Variants in RSPO2 observed in about 807,000 individuals in gnomAD.
RSPO2 encodes R-spondin-2.
Under a neutral mutation model 30.9 loss-of-function variants are expected in RSPO2, and 14 were observed. The ratio of observed to expected loss-of-function variants is 0.45; its 90% CI spans 0.30 to 0.71. The LOEUF (loss-of-function observed/expected upper bound fraction) is 0.71. RSPO2 is among the 30% of genes least tolerant of loss of function. RSPO2 has a pLI of 0.08. For synonymous variants in RSPO2, 107 were observed against 96.4 expected, an observed-to-expected ratio of 1.11 and a Z score of -0.64; for missense variants, 264 against 301.9, an observed-to-expected ratio of 0.87 and a Z score of 0.93.
intron 3 of RSPO2, among the ~76,000 whole-genome samples, chr8:107,967,899 T>C (rs1169751644): frequency 1.3e-5 from 2 of 152,162 alleles, no homozygotes; most frequent in African/African-American, 4.8e-5. Context: ...TGAAGCTCTC[T>C]TTGTCTTAAT....
chr8:107,915,444 C>A (rs1811948997), intron 5 of RSPO2, among the ~76,000 whole-genome samples: 1 of 152,018 alleles, frequency 6.6e-6, no homozygotes. Flanking sequence ...CTCTCCCTGA[C>A]TAGTAGAAAG....
intron 2 of RSPO2, among the ~76,000 whole-genome samples, chr8:108,057,724 T>C (rs1812302098): frequency 6.6e-6 from 1 of 152,230 alleles, no homozygotes; most frequent in Non-Finnish European, 1.5e-5. Context: ...TTTTCATTTG[T>C]AAAAGCTATG....
In RSPO2 at chr8:108,002,237, T is replaced by C. The variant is rs1231392032; in HGVS notation, c.95-12993A>G. ...ATGAGCAGATCTAAATATATACATT[T>C]ATGAAGATTGCAAAACCACCACCCT... On this transcript the variant is annotated intron_variant, in intron 2 of 5. Transcript: ENST00000276659. 2.0e-5 allele frequency among the ~76,000 whole-genome samples: 3 copies of C among 152,318 alleles called. No individual in the cohort carries two copies. In the South Asian group the frequency reaches 6.2e-4, roughly 32 times the overall value.
chr8:107,920,127 A>AGAGAAGGAGGGAAGAAGGAGGG (rs61438068), intron 5 of RSPO2, among the ~76,000 whole-genome samples: 1 of 151,616 alleles, frequency 6.6e-6, no homozygotes, highest in Admixed American at 6.6e-5. Flanking sequence ...GGAGGAAGAG[A>AGAGAAGGAGGGAAGAAGGAGGG]AAGAAGGAGG....
At chr8:107,967,066 G>T in intron 3 of RSPO2, among the ~76,000 whole-genome samples, 1 of 152,074 alleles carries the variant, frequency 6.6e-6, no homozygotes, top group East Asian at 1.9e-4. Context: ...GACAAAAACA[G>T]GGCATTTATT....
At chr8:108,066,584 G>A (rs1351804988) in intron 2 of RSPO2, among the ~76,000 whole-genome samples, 2 of 152,032 alleles carry the variant, frequency 1.3e-5, no homozygotes, top group Non-Finnish European at 2.9e-5. Context: ...CTCACCCACT[G>A]TCCCAGCTAA....
intron 5 of RSPO2, among the ~76,000 whole-genome samples, chr8:107,951,425 G>A (rs77528679): frequency 0.018 from 2,777 of 152,136 alleles, 69 homozygotes; most frequent in African/African-American, 0.059. Context: ...AGGGAAAAAC[G>A]AGTCTCCTGC....
intron 2 of RSPO2, among the ~76,000 whole-genome samples, chr8:107,993,973 G>A (rs917935528): frequency 2.6e-5 from 4 of 151,846 alleles, no homozygotes; most frequent in Non-Finnish European, 4.4e-5. Flanking sequence ...CATCATCTTC[G>A]TTGCATCTGC....
At chr8:107,965,393 C>T (rs1018777541) in intron 3 of RSPO2, among the ~76,000 whole-genome samples, 10 of 152,180 alleles carry the variant, frequency 6.6e-5, no homozygotes, top group African/African-American at 1.9e-4. Context: ...GTACCCCGTA[C>T]GGGCTCTAAT....
chr8:107,954,887 G>C (rs1813371495), intron 5 of RSPO2, among the ~76,000 whole-genome samples: 1 of 152,136 alleles, frequency 6.6e-6, no homozygotes. Context: ...GGGATTACAG[G>C]CGTGAGCCAT....
intron 5 of RSPO2, among the ~76,000 whole-genome samples, chr8:107,913,326 C>T (rs1394898178): frequency 6.6e-6 from 1 of 152,172 alleles, no homozygotes; most frequent in Non-Finnish European, 1.5e-5. Context: ...ATGAACTGGT[C>T]ATTCCTTTAA....
At position 107,980,462 on chromosome 8, in the gene RSPO2, T is replaced by C. The variant is rs141516348; in HGVS notation, c.283+8594A>G. 4.1e-4 allele frequency among the ~76,000 whole-genome samples: 63 copies of C among 152,332 alleles called. 1 individual carries two copies. The highest frequency in any genetic ancestry group is 3.4e-3 in the Middle Eastern group (1 of 294). On this transcript the variant is annotated intron_variant, in intron 3 of 5. Coordinates refer to ENST00000276659, the MANE Select transcript of RSPO2 (RefSeq NM_178565.5). ...TGTATTCCAAAATTAAAGAATATTA[T>C]AGGCTTCTAAAATGTAGCCCTTATT...
At chr8:107,950,187 T>C (rs910356862) in intron 5 of RSPO2, among the ~76,000 whole-genome samples, 1 of 152,230 alleles carries the variant, frequency 6.6e-6, no homozygotes, top group Non-Finnish European at 1.5e-5. Context: ...TATTTGTATA[T>C]ATGTGCATGT....
chr8:108,058,235 A>G (rs1286409752), intron 2 of RSPO2, among the ~76,000 whole-genome samples: 1 of 152,112 alleles, frequency 6.6e-6, no homozygotes, highest in African/African-American at 2.4e-5. Flanking sequence ...TCATGAGTGA[A>G]CTCCCATTCA....
chr8:107,957,448 A>T (rs1224264842), intron 5 of RSPO2, among the ~76,000 whole-genome samples: 1 of 152,158 alleles, frequency 6.6e-6, no homozygotes, highest in African/African-American at 2.4e-5. Flanking sequence ...TCCAATTTCT[A>T]AATGGGCCTA....
intron 2 of RSPO2, among the ~76,000 whole-genome samples, chr8:108,065,812 C>G (rs562314980): frequency 6.6e-6 from 1 of 152,052 alleles, no homozygotes; most frequent in Admixed American, 6.6e-5. Context: ...CCAAGGTGGG[C>G]GGATCACCTG....
chr8:108,004,275 G>T (rs1040253636), intron 2 of RSPO2, among the ~76,000 whole-genome samples: 1 of 152,086 alleles, frequency 6.6e-6, no homozygotes, highest in African/African-American at 2.4e-5. Flanking sequence ...TCAGCAAAAG[G>T]CCAGCACTTT....
At chr8:107,956,270 A>G (rs1477491406) in intron 5 of RSPO2, among the ~76,000 whole-genome samples, 1 of 152,242 alleles carries the variant, frequency 6.6e-6, no homozygotes, top group African/African-American at 2.4e-5. Context: ...AAGGTTATAT[A>G]AAATTGATTT....
chr8:108,046,191 T>C (rs946979064), intron 2 of RSPO2, among the ~76,000 whole-genome samples: 5 of 152,168 alleles, frequency 3.3e-5, no homozygotes, highest in African/African-American at 1.2e-4. Flanking sequence ...GGCCTACGGC[T>C]TTATGAAAAG....
Sources: allele counts gnomAD v4.1 joint callset (sites outside exome capture counted in the v4.1 genomes callset), GRCh38; gene constraint gnomAD v4.1.1; transcripts MANE v1.5; gene names NCBI Gene and HGNC (gene_info 2026-07-23, HGNC 2026-07-21).